Variants in GABRG3 observed in about 807,000 individuals in gnomAD.
GABRG3 encodes the protein gamma-aminobutyric acid type A receptor subunit gamma3, also known as gamma-aminobutyric acid receptor subunit gamma-3.
GABRG3 carries 25 observed loss-of-function variants against 48.8 expected under a neutral mutation model. That is an observed-to-expected ratio of 0.51 (90% CI 0.37 to 0.72). The LOEUF (loss-of-function observed/expected upper bound fraction) is 0.72. Among genes scored for constraint, GABRG3 ranks in the 30% least tolerant of loss-of-function variants. The probability of loss-of-function intolerance (pLI) is 0.00; values close to 1 mark genes in which losing one functional copy is unlikely to be tolerated. For synonymous variants in GABRG3, 227 were observed against 217.6 expected (o/e 1.04, Z -0.38); for missense variants, 394 against 577.9 (o/e 0.68, Z 3.26).
At chr15:27,452,062 A>G (rs1267802731) in intron 5 of GABRG3, among the ~76,000 whole-genome samples, 1 of 152,224 alleles carries the variant, frequency 6.6e-6, no homozygotes, top group Non-Finnish European at 1.5e-5. Flanking sequence ...TAAGTTGAAC[A>G]AAAGTGCGCA....
rs1169197506 is a variant in GABRG3 at position 27,528,071 on chromosome 15, TTGATG to T, written c.1122+80_1122+84del. ...ATTGCATTTGAAAGATAGATTGCTG[TTGATG>T]CATGCATGTATTGAAGACCAATGAG... On this transcript the variant is annotated intron_variant, in intron 9 of 9. Coordinates refer to ENST00000615808, the MANE Select transcript of GABRG3 (RefSeq NM_033223.5). The T allele has an allele frequency of 1.4e-4, 144 of 1,023,430 alleles. 1 individual carries two copies. The Admixed American group carries it at 2.8e-3, about 20-fold the overall frequency. 63.4% of individuals were successfully genotyped at this position (1,023,430 alleles called of 1,614,324 possible).
intron 5 of GABRG3, among the ~76,000 whole-genome samples, chr15:27,438,925 G>A (rs1356056242): frequency 6.6e-6 from 1 of 152,150 alleles, no homozygotes; most frequent in Non-Finnish European, 1.5e-5. Context: ...GCTCTGCTCC[G>A]GGAAGCACTT....
At chr15:27,027,338 C>A (rs1896002450) in intron 3 of GABRG3, among the ~76,000 whole-genome samples, 1 of 152,166 alleles carries the variant, frequency 6.6e-6, no homozygotes, top group African/African-American at 2.4e-5. Context: ...GGGCTGAAGG[C>A]CACAGTCCAC....
intron 2 of GABRG3, among the ~76,000 whole-genome samples, chr15:27,018,128 C>T (rs1489576915): frequency 6.6e-6 from 1 of 152,202 alleles, no homozygotes; most frequent in Non-Finnish European, 1.5e-5. Flanking sequence ...AGAGAACTTA[C>T]TTCAAATATT....
rs1444992167 is a variant in GABRG3 at position 27,216,743 on chromosome 15, T to A, written c.271-110066T>A. ...CTGACCAATTCATTTCTTTTTTTTT[T>A]TTTATTTTTTATTTATTTATTTATT... On this transcript the variant is annotated intron_variant, in intron 3 of 9. Transcript: ENST00000615808. Among the ~76,000 whole-genome samples, 5 of 100,210 alleles carry A rather than the reference T, an allele frequency of 5.0e-5. No homozygotes were observed. The East Asian group carries it at 1.7e-3, about 34-fold the overall frequency. 65.7% of individuals were successfully genotyped at this position (100,210 alleles called of 152,430 possible). A position where few individuals can be genotyped will look rare whatever the true frequency, so the allele number is the denominator to read the frequency against.
chr15:27,189,049 G>A (rs1282689087), intron 3 of GABRG3, among the ~76,000 whole-genome samples: 15 of 152,046 alleles, frequency 9.9e-5, no homozygotes, highest in Admixed American at 3.3e-4. Context: ...GATATATGGC[G>A]TTGTTTCTGA....
chr15:27,216,825 G>T (rs1889274069), intron 3 of GABRG3, among the ~76,000 whole-genome samples: 1 of 117,738 alleles, frequency 8.5e-6, no homozygotes, highest in Non-Finnish European at 1.7e-5. Flanking sequence ...TGTGCACATT[G>T]TGCAGGTTAG....
chr15:27,000,616 T>C (rs758627275), intron 2 of GABRG3, among the ~76,000 whole-genome samples: 5 of 152,126 alleles, frequency 3.3e-5, no homozygotes, highest in Non-Finnish European at 7.3e-5. Context: ...TCCGGTTGTT[T>C]ACCAGTGTGT....
rs1253223910 is a variant in GABRG3 at position 26,996,562 on chromosome 15, C to T, written c.202+19412C>T. Among the ~76,000 whole-genome samples, 8 of 151,896 alleles carry T rather than the reference C, an allele frequency of 5.3e-5. No homozygotes were observed. In the East Asian group the frequency reaches 9.6e-4, roughly 18 times the overall value. ...ATGAATTCCTTTGTGTTTTTCTTCC[C>T]TTGGAATTTCTGACCCTTTAACCTC... is the stretch of plus-strand genomic sequence containing the variant. On this transcript the variant is annotated intron_variant, in intron 2 of 9. Transcript: ENST00000615808.
chr15:27,493,394 A>G (rs149871835), intron 6 of GABRG3, among the ~76,000 whole-genome samples: 3,924 of 152,292 alleles, frequency 0.026, 179 homozygotes, highest in African/African-American at 0.09. Context: ...ATAATCTTCA[A>G]TGAATTCACA....
chr15:27,530,191 A>G (rs1032373868), intron 9 of GABRG3, among the ~76,000 whole-genome samples: 2 of 152,188 alleles, frequency 1.3e-5, no homozygotes, highest in Non-Finnish European at 2.9e-5. Flanking sequence ...AAGCTGTTCC[A>G]ATTGCTCTGT....
At chr15:27,124,153 G>T (rs1472010152) in intron 3 of GABRG3, among the ~76,000 whole-genome samples, 2 of 152,126 alleles carry the variant, frequency 1.3e-5, no homozygotes, top group African/African-American at 4.8e-5. Context: ...AGAGCCTGGG[G>T]ACAAATTGCA....
chr15:27,192,398 G>A (rs376093173), intron 3 of GABRG3, among the ~76,000 whole-genome samples: 27 of 152,152 alleles, frequency 1.8e-4, no homozygotes, highest in Non-Finnish European at 1.3e-4. Context: ...ACATAGTCCC[G>A]TATTTCTTGG....
At chr15:27,491,081 T>C (rs1471755077) in intron 6 of GABRG3, among the ~76,000 whole-genome samples, 1 of 152,238 alleles carries the variant, frequency 6.6e-6, no homozygotes, top group Non-Finnish European at 1.5e-5. Flanking sequence ...GCAGTCGTTT[T>C]GCAAGCACCT....
chr15:27,033,741 A>C (rs998915397), intron 3 of GABRG3, among the ~76,000 whole-genome samples: 1 of 152,196 alleles, frequency 6.6e-6, no homozygotes, highest in Admixed American at 6.5e-5. Flanking sequence ...AAAATGAACA[A>C]TATTTCATTT....
Position 27,539,651 on chromosome 15 carries a change from C to G in GABRG3, c.*6770C>G, listed in dbSNP as rs1891621937. 1 of 151,986 alleles carries G rather than the reference C, an allele frequency of 6.6e-6. No homozygotes were observed. The highest frequency in any genetic ancestry group is 2.1e-4 in the South Asian group (1 of 4,814). The allele number at this position is 151,986 out of a possible 1,614,324, so 9.4% of individuals were successfully genotyped here. ...CAATTTCATCCATGAGTGAAGACCC[C>G]CCACTGCACAGAGCAGCACTTCTGT... On this transcript the variant is annotated 3_prime_UTR_variant, in exon 10 of 10. Transcript: ENST00000615808.
intron 3 of GABRG3, among the ~76,000 whole-genome samples, chr15:27,265,159 A>G (rs139435949): frequency 8.1e-4 from 123 of 152,154 alleles, no homozygotes; most frequent in African/African-American, 2.8e-3. Flanking sequence ...CCTCCATTTT[A>G]CCAAAAAACC....
chr15:27,387,974 AAAGGAAGGAGGGAGGGTAAGGAAGGAAGG>A (rs1188617613), intron 5 of GABRG3, among the ~76,000 whole-genome samples: 39 of 71,438 alleles, frequency 5.5e-4, no homozygotes, highest in Admixed American at 2.0e-3. Flanking sequence ...GAAAGGAAGG[AAAGGAAGGAGGGAGGGTAAGGAAGGAAGG>A]AAGGAAGGAA....
intron 6 of GABRG3, among the ~76,000 whole-genome samples, chr15:27,517,160 G>A (rs1403101769): frequency 6.6e-6 from 1 of 151,316 alleles, no homozygotes. Context: ...ACTCCTCCAC[G>A]CATGTGCCCA....
Sources: gnomAD v4.1 joint callset for allele counts (sites outside exome capture counted in the v4.1 genomes callset) on GRCh38, gnomAD v4.1.1 for gene constraint, MANE v1.5 for transcripts, NCBI Gene and HGNC (gene_info 2026-07-23, HGNC 2026-07-21) for gene names.